EPB41: variants seen among roughly 807,000 people sequenced by gnomAD.
EPB41 encodes erythrocyte membrane protein band 4.1, also known as protein 4.1.
In EPB41, 65 loss-of-function variants were observed where a neutral mutation model predicts 108.0. That is an observed-to-expected ratio of 0.60 (90% CI 0.49 to 0.74). The LOEUF is 0.74. Ranked by LOEUF, EPB41 falls within the 30% of genes least tolerant of loss-of-function variation. The probability of loss-of-function intolerance (pLI) is 0.00; values close to 1 mark genes in which losing one functional copy is unlikely to be tolerated. For synonymous variants in EPB41, 336 were observed against 358.9 expected (o/e 0.94, Z 0.72); for missense variants, 875 against 1,037.0 (o/e 0.84, Z 2.15).
Position 29,115,483 on chromosome 1 carries a change from C to T in EPB41, c.2497-216C>T, listed in dbSNP as rs952403775. Among the ~76,000 whole-genome samples the T allele has an allele frequency of 7.2e-5, 11 of 152,254 alleles. No homozygotes were observed. The South Asian group carries it at 1.4e-3, about 20-fold the overall frequency. ...TCCCTCTCCAGTTCCTAGAAGACAG[C>T]GCTAACCTTCCCTGTCCCTGTGTTA... On this transcript the variant is annotated intron_variant, in intron 19 of 20. Coordinates refer to ENST00000343067, the MANE Select transcript of EPB41 (RefSeq NM_001376013.1). This position sits in a 1 kb window ranked among gnomAD's most constrained non-coding sequence, Gnocchi z 4.4.
intron 1 of EPB41, among the ~76,000 whole-genome samples, chr1:28,941,115 T>C (rs1233009485): frequency 1.3e-5 from 2 of 151,914 alleles, no homozygotes; most frequent in East Asian, 3.9e-4. Flanking sequence ...CAGTGGCTTA[T>C]GCCTGTAATC....
chr1:29,053,429 C>A, intron 12 of EPB41, 117 bp downstream of exon 12: 1 of 1,090,370 alleles, frequency 9.2e-7, no homozygotes. Flanking sequence ...CAAAGTTATT[C>A]TTCATTCTTT....
At chr1:29,064,804 G>GA (rs1245030186) in intron 15 of EPB41, among the ~76,000 whole-genome samples, 178 bp from the exon 16 acceptor site, 1 of 151,654 alleles carries the variant, frequency 6.6e-6, no homozygotes, top group Non-Finnish European at 1.5e-5. Flanking sequence ...TTTATTTAAA[G>GA]AAAAAAAAGG....
chr1:28,977,957 T>C (rs1476580786), intron 1 of EPB41, among the ~76,000 whole-genome samples: 2 of 146,556 alleles, frequency 1.4e-5, no homozygotes, highest in African/African-American at 2.5e-5. Flanking sequence ...TTATATTCTC[T>C]TTTTTTTTTT....
intron 12 of EPB41, 175 bp downstream of exon 12, chr1:29,053,487 T>TA (rs1187675564): frequency 1.3e-6 from 1 of 751,236 alleles, no homozygotes; most frequent in East Asian, 2.7e-5. Context: ...TTCGTAGAGT[T>TA]ATGTCAGTAA....
At chr1:29,105,272 T>C (rs1666748010) in intron 17 of EPB41, among the ~76,000 whole-genome samples, 1 of 152,178 alleles carries the variant, frequency 6.6e-6, no homozygotes, top group Non-Finnish European at 1.5e-5. Context: ...CTCACTCTTG[T>C]CATCCAGGCT....
At chr1:28,958,961 T>C (rs939196522) in intron 1 of EPB41, among the ~76,000 whole-genome samples, 2 of 151,968 alleles carry the variant, frequency 1.3e-5, no homozygotes, top group Non-Finnish European at 2.9e-5. Flanking sequence ...ATAAAATTCA[T>C]GGAAAACATG....
intron 14 of EPB41, among the ~76,000 whole-genome samples, 153 bp from the exon 15 acceptor site, chr1:29,060,269 G>C (rs985739559): frequency 6.6e-6 from 1 of 152,142 alleles, no homozygotes; most frequent in African/African-American, 2.4e-5. Flanking sequence ...TTCTGTGTCC[G>C]TGTGACTCTC....
chr1:28,958,819 C>CAAAAAAAAAAAAA (rs35105287), intron 1 of EPB41, among the ~76,000 whole-genome samples: 24 of 65,596 alleles, frequency 3.7e-4, no homozygotes, highest in South Asian at 4.8e-4. Context: ...ACCCTGTCTC[C>CAAAAAAAAAAAAA]AAAAAAAAAA....
At chr1:29,044,621 C>T (rs1642612090) in intron 11 of EPB41, among the ~76,000 whole-genome samples, 1 of 152,080 alleles carries the variant, frequency 6.6e-6, no homozygotes, top group Non-Finnish European at 1.5e-5. Flanking sequence ...GCGGGCGGAT[C>T]ATTTGAGGTC....
Position 29,018,554 on chromosome 1 carries a change from C to T in EPB41, c.1124+112C>T. On this transcript the variant is annotated intron_variant, in intron 7 of 20. Transcript: ENST00000343067. The surrounding 1 kb of genome is among the most constrained non-coding windows in gnomAD (Gnocchi z 4.4). ...GGGATCATGGTGCCATAGAAAGAGT[C>T]AGTTTCCTCCACTGTTTGACTTTGG... The T allele has an allele frequency of 9.2e-7, 1 of 1,085,394 alleles. No individual in the cohort carries two copies. The highest frequency in any genetic ancestry group is 1.4e-6 in the Non-Finnish European group (1 of 712,588). 67.2% of individuals were successfully genotyped at this position (1,085,394 alleles called of 1,614,324 possible). A position where few individuals can be genotyped will look rare whatever the true frequency, so the allele number is the denominator to read the frequency against.
At chr1:29,070,020 C>T in intron 16 of EPB41, 1 of 171,068 alleles carries the variant, frequency 5.8e-6, no homozygotes, top group Non-Finnish European at 1.2e-5. Flanking sequence ...ATTGGCATTG[C>T]CCAATTAGTG....
chr1:29,059,350 T>G (rs939006307), intron 14 of EPB41, among the ~76,000 whole-genome samples: 9 of 152,282 alleles, frequency 5.9e-5, no homozygotes, highest in African/African-American at 1.9e-4. Context: ...CAAAATATGT[T>G]TTTAAGCAAA....
At chr1:29,004,425 C>G (rs1371424074) in intron 4 of EPB41, among the ~76,000 whole-genome samples, 1 of 152,150 alleles carries the variant, frequency 6.6e-6, no homozygotes, top group Non-Finnish European at 1.5e-5. Flanking sequence ...TTTTGCTCAC[C>G]TTCACAGGCA....
Position 28,887,236 on chromosome 1 carries a change from A to T in EPB41, c.-8+26A>T, listed in dbSNP as rs754553545. 2 of 1,278,760 alleles carry T rather than the reference A, an allele frequency of 1.6e-6. No individual in the cohort carries two copies. Among genetic ancestry groups the T allele is most frequent in the South Asian group, 2.5e-5 (2 of 80,484 alleles). 79.2% of individuals were successfully genotyped at this position (1,278,760 alleles called of 1,614,324 possible). Reference sequence around the variant, plus strand: ...GTGAGCCTGGACCACCTGGGGGGCGACCCTCGGTCCCCGGGAGGGACGGGG... The same window carrying T: ...GTGAGCCTGGACCACCTGGGGGGCGTCCCTCGGTCCCCGGGAGGGACGGGG... On this transcript the variant is annotated intron_variant, in intron 1 of 16. Transcript: ENST00000347529. The surrounding 1 kb of genome is among the most constrained non-coding windows in gnomAD (Gnocchi z 4.9).
chr1:29,099,264 G>A (rs1664392914), intron 17 of EPB41, among the ~76,000 whole-genome samples: 1 of 135,664 alleles, frequency 7.4e-6, no homozygotes. Context: ...TTGCTCCACT[G>A]CATTAAAAAA....
At chr1:28,969,220 G>A (rs1387608710) in intron 1 of EPB41, among the ~76,000 whole-genome samples, 3 of 151,536 alleles carry the variant, frequency 2.0e-5, no homozygotes, top group South Asian at 4.2e-4. Context: ...CAGTAGCTGG[G>A]ATTACAGGCA....
chr1:29,030,322 T>C lies in EPB41; in HGVS notation c.1125-78T>C. 23 of 1,124,164 alleles carry C rather than the reference T, an allele frequency of 2.0e-5. No homozygotes were observed. The South Asian group carries it at 2.6e-4, about 13-fold the overall frequency. 69.6% of individuals were successfully genotyped at this position (1,124,164 alleles called of 1,614,324 possible). A position where few individuals can be genotyped will look rare whatever the true frequency, so the allele number is the denominator to read the frequency against. On this transcript the variant is annotated intron_variant, in intron 7 of 20. Transcript: ENST00000343067. ...TATGTATATGTTCATGTGTTTAAAATACAGTGAATATATAAATGTTACTGT... is the reference window on the plus strand; with the variant it reads ...TATGTATATGTTCATGTGTTTAAAACACAGTGAATATATAAATGTTACTGT...
At chr1:28,902,473 C>T (rs1170599912) in intron 1 of EPB41, 1 of 808,192 alleles carries the variant, frequency 1.2e-6, no homozygotes, top group East Asian at 1.3e-4. Flanking sequence ...CACTGGGAGC[C>T]AGGCTTGGAG....
Sources: allele counts gnomAD v4.1 joint callset (sites outside exome capture counted in the v4.1 genomes callset), GRCh38; gene constraint gnomAD v4.1.1; non-coding constraint Gnocchi (gnomAD v3.1); transcripts MANE v1.5; gene names NCBI Gene and HGNC (gene_info 2026-07-23, HGNC 2026-07-21).